The following DMD variants were observed in gnomAD, a reference collection of about 807,000 sequenced individuals.
DMD encodes the protein dystrophin, also known as mutant dystrophin.
A neutral mutation model predicts 330.1 loss-of-function variants in DMD; 63 were observed. The ratio of observed to expected loss-of-function variants is 0.19; its 90% confidence interval spans 0.16 to 0.24. DMD has a LOEUF of 0.24. Ranked by LOEUF, DMD falls within the 10% of genes least tolerant of loss-of-function variation. The pLI is 1.00. For missense variants in DMD, 3,344 were observed against 2,684.1 expected (o/e 1.25, Z -5.43); for synonymous variants, 1,223 against 959.8 (o/e 1.27, Z -5.07).
intron 48 of DMD, among the ~76,000 whole-genome samples, chrX:31,849,259 A>G (rs1165609196): frequency 9.0e-6 from 1 of 110,869 alleles, no homozygotes; most frequent in African/African-American, 3.3e-5. Flanking sequence ...TTCGACAAAC[A>G]TTTATTCAGT....
At chrX:32,001,635 A>C (rs1214194718) in intron 44 of DMD, among the ~76,000 whole-genome samples, 6 of 111,298 alleles carry the variant, frequency 5.4e-5, no homozygotes, top group Non-Finnish European at 1.1e-4. Context: ...CAGCTTCAAC[A>C]ACCTTGTCTT....
chrX:31,249,641 T>C (rs951704533), intron 63 of DMD, among the ~76,000 whole-genome samples: 1 of 111,255 alleles, frequency 9.0e-6, no homozygotes, highest in Non-Finnish European at 1.9e-5. Flanking sequence ...TTAGGATAAA[T>C]TGTGATCAGG....
At chrX:31,630,857 T>C (rs185130858) in intron 54 of DMD, among the ~76,000 whole-genome samples, 1 of 112,139 alleles carries the variant, frequency 8.9e-6, no homozygotes, top group Admixed American at 9.5e-5. Context: ...CAGAATCTAC[T>C]GTATTGGTTA....
At chrX:31,862,761 T>C (rs2093727925) in intron 48 of DMD, among the ~76,000 whole-genome samples, 1 of 112,384 alleles carries the variant, frequency 8.9e-6, no homozygotes. Context: ...CTCCCGGGCC[T>C]GAAAGCTTAA....
At chrX:32,659,865 C>T (rs1054895525) in intron 9 of DMD, among the ~76,000 whole-genome samples, 1 of 110,557 alleles carries the variant, frequency 9.0e-6, no homozygotes, top group Non-Finnish European at 1.9e-5. Flanking sequence ...TCTTCCTATT[C>T]CTTTCCTATT....
intron 49 of DMD, among the ~76,000 whole-genome samples, chrX:31,825,870 CATGGATATAAT>C (rs2149447674): frequency 9.0e-6 from 1 of 111,704 alleles, no homozygotes; most frequent in Non-Finnish European, 1.9e-5. Context: ...ATCCTTGAAA[CATGGATATAAT>C]AATACCACCT....
intron 44 of DMD, among the ~76,000 whole-genome samples, chrX:32,009,300 A>T (rs751884169): frequency 3.6e-5 from 4 of 111,589 alleles, no homozygotes; most frequent in Non-Finnish European, 7.5e-5. Flanking sequence ...TTCCAAGTTC[A>T]TGGCCTTTGA....
At chrX:31,907,444 C>A (rs1006818317) in intron 47 of DMD, among the ~76,000 whole-genome samples, 9 of 111,094 alleles carry the variant, frequency 8.1e-5, no homozygotes, top group Non-Finnish European at 5.7e-5. Flanking sequence ...ACAAACCTGA[C>A]AAAAAACAAG....
At chrX:32,276,296 C>T (rs2097386784) in intron 43 of DMD, among the ~76,000 whole-genome samples, 1 of 112,302 alleles carries the variant, frequency 8.9e-6, no homozygotes, top group Non-Finnish European at 1.9e-5. Context: ...GAGAGGCAGT[C>T]TGGGACACAC....
intron 45 of DMD, among the ~76,000 whole-genome samples, chrX:31,950,387 A>G (rs1385250379): frequency 9.0e-6 from 1 of 111,194 alleles, no homozygotes; most frequent in Admixed American, 9.6e-5. Context: ...GTGTATTGAG[A>G]TTTGTTTTTT....
rs1233350448 is a variant in DMD at position 31,334,010 on chromosome X, G to A, written c.9164-10352C>T. 1.8e-5 allele frequency among the ~76,000 whole-genome samples: 2 copies of A among 109,967 alleles called. No individual in the cohort carries two copies. The highest frequency in any genetic ancestry group is 1.9e-4 in the Admixed American group (2 of 10,416). ...CGCAATGGCGCGATCTCGGCTCACT[G>A]CAACCTCCGCCTCCTGGGTTCAAGC... is the stretch of plus-strand genomic sequence containing the variant. On this transcript the variant is annotated intron_variant, in intron 61 of 78. Transcript: ENST00000357033.
chrX:32,607,682 G>A (rs939604410), intron 12 of DMD, among the ~76,000 whole-genome samples: 6 of 110,202 alleles, frequency 5.4e-5, no homozygotes, highest in South Asian at 3.7e-4. Context: ...TATAAGATAC[G>A]GTCATACATT....
intron 44 of DMD, among the ~76,000 whole-genome samples, chrX:32,107,605 G>A (rs900553561): frequency 9.0e-6 from 1 of 110,510 alleles, no homozygotes; most frequent in Non-Finnish European, 1.9e-5. Context: ...AGGCAGTCGG[G>A]CAGAACGATT....
chrX:31,351,198 A>G (rs1052413023), intron 60 of DMD, among the ~76,000 whole-genome samples: 6 of 111,249 alleles, frequency 5.4e-5, no homozygotes, highest in South Asian at 3.9e-4. Flanking sequence ...ACATACATAC[A>G]TATGTATATT....
In DMD at chrX:31,805,926, G is replaced by A. The variant is rs182519844; in HGVS notation, c.7309+14049C>T. Reference sequence around the variant, plus strand: ...CAGGGGTCAGTGAACTACGGCTTGTGGGCCAAATCCAACCAACTGCCTGTT... The same window carrying A: ...CAGGGGTCAGTGAACTACGGCTTGTAGGCCAAATCCAACCAACTGCCTGTT... On this transcript the variant is annotated intron_variant, in intron 50 of 78. Coordinates refer to ENST00000357033, the MANE Select transcript of DMD (RefSeq NM_004006.3). 2.9e-3 allele frequency among the ~76,000 whole-genome samples: 329 copies of A among 112,186 alleles called. 2 individuals are homozygous for A. The highest frequency in any genetic ancestry group is 0.01 in the African/African-American group (316 of 30,925).
At chrX:32,489,688 G>C (rs928106786) in intron 20 of DMD, among the ~76,000 whole-genome samples, 2 of 111,422 alleles carry the variant, frequency 1.8e-5, no homozygotes, top group East Asian at 2.8e-4. Flanking sequence ...ACACATTAGA[G>C]ACACTTAATG....
At chrX:32,259,560 A>C (rs2097313538) in intron 43 of DMD, among the ~76,000 whole-genome samples, 1 of 111,545 alleles carries the variant, frequency 9.0e-6, no homozygotes, top group Non-Finnish European at 1.9e-5. Flanking sequence ...TATTATATTA[A>C]ATTTATATTC....
intron 59 of DMD, among the ~76,000 whole-genome samples, chrX:31,458,525 A>G (rs182170412): frequency 9.2e-6 from 1 of 108,698 alleles, no homozygotes; most frequent in Non-Finnish European, 1.9e-5. Flanking sequence ...AAAAAAAAAA[A>G]AAAAAAAAAA....
intron 73 of DMD, 31 bp from the exon 74 acceptor site, chrX:31,169,632 T>C (rs757210926): frequency 5.1e-5 from 59 of 1,165,586 alleles, no homozygotes; most frequent in Non-Finnish European, 5.9e-5. Context: ...TTTTGGTTTT[T>C]TCCCCCCCTT....
Sources: allele counts gnomAD v4.1 joint callset (sites outside exome capture counted in the v4.1 genomes callset), GRCh38; gene constraint gnomAD v4.1.1; transcripts MANE v1.5; gene names NCBI Gene and HGNC (gene_info 2026-07-23, HGNC 2026-07-21).